The following ZNF366 variants were observed in gnomAD, a reference collection of about 807,000 sequenced individuals.
The protein encoded by ZNF366 is dendritic cell-specific transcript protein.
Under a neutral mutation model 47.2 loss-of-function variants are expected in ZNF366, and 20 were observed. That is an observed-to-expected ratio of 0.42 (90% CI 0.30 to 0.62). The LOEUF (loss-of-function observed/expected upper bound fraction) is 0.62, where lower values mean the gene tolerates loss of function less well. Ranked by LOEUF, ZNF366 falls within the 20% of genes least tolerant of loss-of-function variation. ZNF366 has a pLI of 0.16. For synonymous variants in ZNF366, 421 were observed against 395.1 expected, an observed-to-expected ratio of 1.07 and a Z score of -0.78; for missense variants, 987 against 976.3, an observed-to-expected ratio of 1.01 and a Z score of -0.15.
intron 1 of ZNF366, among the ~76,000 whole-genome samples, chr5:72,479,503 A>T (rs1401058612): frequency 2.6e-5 from 4 of 152,182 alleles, no homozygotes; most frequent in Non-Finnish European, 4.4e-5. Flanking sequence ...AACCAAAAAA[A>T]TTTTTTTCAA....
chr5:72,472,062 A>T (rs577148788), intron 1 of ZNF366, among the ~76,000 whole-genome samples: 36 of 152,334 alleles, frequency 2.4e-4, no homozygotes, highest in Non-Finnish European at 4.7e-4. Context: ...GTAAAAACTC[A>T]GACTGTGAGG....
In ZNF366 at chr5:72,461,529, T is replaced by C; in HGVS notation, c.-14-19A>G. On this transcript the variant is annotated intron_variant, in intron 1 of 4. Coordinates refer to ENST00000318442, the MANE Select transcript of ZNF366 (RefSeq NM_152625.3). Reference sequence around the variant, plus strand: ...AATTTTCCTTTAAAGAGAAAGAAACTTGTGTGTTTTGGTTTGGTTTTGTTT... The same window carrying C: ...AATTTTCCTTTAAAGAGAAAGAAACCTGTGTGTTTTGGTTTGGTTTTGTTT... 1 of 1,519,700 alleles carries C rather than the reference T, an allele frequency of 6.6e-7. No individual in the cohort carries two copies. Among genetic ancestry groups the C allele is most frequent in the East Asian group, 2.3e-5 (1 of 44,056 alleles). The allele number at this position is 1,519,700 out of a possible 1,614,324, so 94.1% of individuals were successfully genotyped here. A position where few individuals can be genotyped will look rare whatever the true frequency, so the allele number is the denominator to read the frequency against.
Position 72,464,808 on chromosome 5 carries a change from C to T in ZNF366, c.-14-3298G>A, listed in dbSNP as rs141028968. ...GGGCGCAATGGCTCATGCCTGTAAT[C>T]CCAGCAATTTGGGAGGCTGAGGCAG... On this transcript the variant is annotated intron_variant, in intron 1 of 4. Coordinates refer to ENST00000318442, the MANE Select transcript of ZNF366 (RefSeq NM_152625.3). Among the ~76,000 whole-genome samples the T allele has an allele frequency of 3.9e-3, 588 of 152,228 alleles. 5 individuals carry two copies. The highest frequency in any genetic ancestry group is 0.01 in the Middle Eastern group (3 of 294).
At chr5:72,506,487 C>T (rs1012734383) in intron 1 of ZNF366, among the ~76,000 whole-genome samples, 3 of 152,198 alleles carry the variant, frequency 2.0e-5, no homozygotes, top group Non-Finnish European at 2.9e-5. Flanking sequence ...TTTTCAATTG[C>T]GTCTGTAACT....
At chr5:72,504,557 A>C (rs1201743347) in intron 1 of ZNF366, among the ~76,000 whole-genome samples, 1 of 151,756 alleles carries the variant, frequency 6.6e-6, no homozygotes, top group East Asian at 1.9e-4. Context: ...TAAACTCTAC[A>C]CTCTTTTATT....
chr5:72,503,531 AC>A (rs1744257144), intron 1 of ZNF366, among the ~76,000 whole-genome samples: 1 of 76,838 alleles, frequency 1.3e-5, no homozygotes, highest in South Asian at 5.3e-4. Context: ...GAATTCTAAT[AC>A]ACACACACAC....
chr5:72,468,257 G>T (rs1743474099), intron 1 of ZNF366, among the ~76,000 whole-genome samples: 1 of 152,248 alleles, frequency 6.6e-6, no homozygotes, highest in South Asian at 2.1e-4. Context: ...CTGGGTCAGT[G>T]GTAGAACCAA....
intron 1 of ZNF366, among the ~76,000 whole-genome samples, chr5:72,479,208 T>C (rs1743733152): frequency 6.6e-6 from 1 of 151,782 alleles, no homozygotes; most frequent in Non-Finnish European, 1.5e-5. Flanking sequence ...GCCCCTATGA[T>C]TTTTTAAACC....
intron 3 of ZNF366, 60 bp downstream of exon 3, chr5:72,456,344 G>T: frequency 1.3e-6 from 2 of 1,529,300 alleles, no homozygotes; most frequent in Non-Finnish European, 1.8e-6. Flanking sequence ...GCTCCCTGGG[G>T]ACCCTTTCCC....
At chr5:72,465,382 A>C (rs999989359) in intron 1 of ZNF366, among the ~76,000 whole-genome samples, 5 of 152,222 alleles carry the variant, frequency 3.3e-5, no homozygotes, top group Non-Finnish European at 7.3e-5. Flanking sequence ...GGGAGTGTTG[A>C]AGGGAAAAGC....
At chr5:72,489,093 T>A (rs1426838731) in intron 1 of ZNF366, among the ~76,000 whole-genome samples, 3 of 152,184 alleles carry the variant, frequency 2.0e-5, no homozygotes, top group Non-Finnish European at 4.4e-5. Context: ...CCCACAATTC[T>A]GGCCAGATGT....
intron 2 of ZNF366, among the ~76,000 whole-genome samples, chr5:72,458,944 T>C (rs1743246871): frequency 6.6e-6 from 1 of 152,240 alleles, no homozygotes; most frequent in Non-Finnish European, 1.5e-5. Flanking sequence ...TTTTGATTCC[T>C]TTCCCACATA....
chr5:72,460,743 G>T lies in ZNF366; in HGVS notation c.754C>A (p.Arg252Ser). ...YYVDVGGSQK[R>S]WQCPTCEKSY... ...TTCTCGCAGGTGGGGCACTGCCAGC[G>T]CTTCTGCGAGCCGCCCACGTCCACG... The change falls in exon 2 of 5, where the codon CGC becomes AGC. Residue 252 changes from arginine (R) to serine (S), a missense_variant. Transcript: ENST00000318442. The T allele has an allele frequency of 6.2e-7, 1 of 1,614,218 alleles. No individual in the cohort carries two copies. The highest frequency in any genetic ancestry group is 1.1e-5 in the South Asian group (1 of 91,088).
intron 1 of ZNF366, among the ~76,000 whole-genome samples, chr5:72,485,902 G>A (rs555435417): frequency 1.3e-5 from 2 of 152,082 alleles, no homozygotes; most frequent in African/African-American, 4.8e-5. Flanking sequence ...TTCACTTGCT[G>A]TTCTTTCTGC....
At chr5:72,486,759 T>C (rs1198860953) in intron 1 of ZNF366, among the ~76,000 whole-genome samples, 2 of 152,072 alleles carry the variant, frequency 1.3e-5, no homozygotes, top group Non-Finnish European at 2.9e-5. Context: ...GCCTGGCTTA[T>C]ATCTTTGTTC....
At chr5:72,453,036 A>T (rs1021637688) in intron 3 of ZNF366, among the ~76,000 whole-genome samples, 7 of 152,236 alleles carry the variant, frequency 4.6e-5, no homozygotes, top group Non-Finnish European at 8.8e-5. Context: ...AAAAAAGAAA[A>T]GAAACATGGA....
intron 1 of ZNF366, among the ~76,000 whole-genome samples, chr5:72,487,748 A>G (rs1743919694): frequency 6.6e-6 from 1 of 152,226 alleles, no homozygotes; most frequent in African/African-American, 2.4e-5. Flanking sequence ...AGAATAAGTT[A>G]GTGTATCTTT....
Position 72,462,622 on chromosome 5 carries a change from C to T in ZNF366, c.-14-1112G>A, listed in dbSNP as rs890469069. On this transcript the variant is annotated intron_variant, in intron 1 of 4. Transcript: ENST00000318442. The stretch of plus-strand genomic sequence containing the variant: ...GTGCAGTCCAGTGGCACAATCTTAG[C>T]TTACTGCAATATCCGCCTCCTGGGT... 4.0e-5 allele frequency among the ~76,000 whole-genome samples: 6 copies of T among 148,800 alleles called. No individual in the cohort carries two copies. The Admixed American group carries it at 4.1e-4, about 10-fold the overall frequency.
rs1248958132 is a variant in ZNF366, at chr5:72,461,351, C to T, written c.146G>A (p.Arg49Gln). The change falls in exon 2 of 5, where the codon CGA becomes CAA. Residue 49 changes from arginine (R) to glutamine (Q), a missense_variant. Transcript: ENST00000318442. Reference protein sequence around the residue: ...PQRHPFPEALRGPFSQFRYEP... With the variant: ...PQRHPFPEALQGPFSQFRYEP... ...ATACCGAAACTGGGAAAATGGCCCT[C>T]GGAGAGCTTCCGGGAAGGGGTGTCT... 2 of 1,614,040 alleles carry T rather than the reference C, an allele frequency of 1.2e-6. No individual in the cohort carries two copies. The highest frequency in any genetic ancestry group is 1.7e-6 in the Non-Finnish European group (2 of 1,179,978).
Sources: allele counts gnomAD v4.1 joint callset (sites outside exome capture counted in the v4.1 genomes callset), GRCh38; gene constraint gnomAD v4.1.1; transcripts MANE v1.5; gene names NCBI Gene and HGNC (gene_info 2026-07-23, HGNC 2026-07-21).